AFG2A: variants seen among roughly 807,000 people sequenced by gnomAD.
AFG2A encodes ATPase family gene 2 protein homolog A.
chr4:123,112,991 T>C, the AFG2A span, among the ~76,000 whole-genome samples: 1 of 152,212 alleles, frequency 6.6e-6, no homozygotes, highest in African/African-American at 2.4e-5. Flanking sequence ...ATTTAATTAA[T>C]AGAGGTTAGT....
the AFG2A span, among the ~76,000 whole-genome samples, chr4:123,004,787 G>T: frequency 3.3e-5 from 5 of 152,296 alleles, no homozygotes; most frequent in South Asian, 1.0e-3. Context: ...GGAAGAAATT[G>T]TGTAGAATTA....
At chr4:123,245,230 C>T in the AFG2A span, among the ~76,000 whole-genome samples, 1 of 152,136 alleles carries the variant, frequency 6.6e-6, no homozygotes, top group African/African-American at 2.4e-5. Flanking sequence ...GGAAAAGAAG[C>T]AGAGGACAGG....
the AFG2A span, among the ~76,000 whole-genome samples, chr4:123,283,818 G>A: frequency 6.6e-6 from 1 of 152,244 alleles, no homozygotes; most frequent in East Asian, 1.9e-4. Context: ...GGGCAGATTT[G>A]AGTAGTTCCA....
the AFG2A span, among the ~76,000 whole-genome samples, chr4:122,972,540 CT>C: frequency 0.022 from 3,153 of 141,432 alleles, 83 homozygotes; most frequent in African/African-American, 0.069. Context: ...GACTGTCAGT[CT>C]TTTTTTTTTT....
chr4:123,070,667 T>C, the AFG2A span, among the ~76,000 whole-genome samples: 6 of 152,188 alleles, frequency 3.9e-5, no homozygotes, highest in Non-Finnish European at 7.4e-5. Context: ...TCAGATACCA[T>C]CACTTTGGGG....
chr4:123,032,942 T>G, the AFG2A span, among the ~76,000 whole-genome samples: 24,517 of 152,202 alleles, frequency 0.16, 2,433 homozygotes, highest in East Asian at 0.45. Context: ...GTTCAGTAGG[T>G]TAGGAGTATT....
At chr4:123,265,208 T>C in the AFG2A span, among the ~76,000 whole-genome samples, 5 of 152,102 alleles carry the variant, frequency 3.3e-5, no homozygotes, top group South Asian at 2.1e-4. Context: ...TTGGTTGTTA[T>C]GCTTTTCAAC....
At chr4:123,207,868 A>G in the AFG2A span, among the ~76,000 whole-genome samples, 1 of 152,216 alleles carries the variant, frequency 6.6e-6, no homozygotes, top group Non-Finnish European at 1.5e-5. Flanking sequence ...AAAGTGATCT[A>G]TGGGTTCAGT....
chr4:122,958,845 A>G, the AFG2A span, among the ~76,000 whole-genome samples: 1 of 152,140 alleles, frequency 6.6e-6, no homozygotes, highest in African/African-American at 2.4e-5. Flanking sequence ...ACTCATAATT[A>G]AGTGTTTAAG....
chr4:123,158,013 C>A, the AFG2A span, among the ~76,000 whole-genome samples: 1 of 152,118 alleles, frequency 6.6e-6, no homozygotes, highest in African/African-American at 2.4e-5. Context: ...ATACACCAGG[C>A]AGCTTTTTCA....
chr4:123,202,272 T>A, the AFG2A span, among the ~76,000 whole-genome samples: 1 of 152,204 alleles, frequency 6.6e-6, no homozygotes, highest in Non-Finnish European at 1.5e-5. Context: ...TCATTGCATA[T>A]ACCTGAGTAC....
the AFG2A span, among the ~76,000 whole-genome samples, chr4:123,087,796 G>T: frequency 6.6e-6 from 1 of 152,138 alleles, no homozygotes; most frequent in Non-Finnish European, 1.5e-5. Context: ...CAATTTTGGG[G>T]GCAGTGATTT....
the AFG2A span, among the ~76,000 whole-genome samples, chr4:123,207,384 G>T: frequency 6.6e-6 from 1 of 151,218 alleles, no homozygotes; most frequent in Admixed American, 6.6e-5. Context: ...CAATCACACG[G>T]CACATTGCCA....
At chr4:122,938,492 A>G in the AFG2A span, among the ~76,000 whole-genome samples, 2 of 152,230 alleles carry the variant, frequency 1.3e-5, no homozygotes, top group Non-Finnish European at 2.9e-5. Flanking sequence ...ACCATGATGG[A>G]TTTATTTTGT....
the AFG2A span, among the ~76,000 whole-genome samples, chr4:123,247,233 G>T: frequency 6.6e-6 from 1 of 151,850 alleles, no homozygotes; most frequent in Non-Finnish European, 1.5e-5. Context: ...GCGTGTGTGT[G>T]TGTGTGTGTG....
At chr4:123,030,389 T>C in the AFG2A span, among the ~76,000 whole-genome samples, 1 of 152,200 alleles carries the variant, frequency 6.6e-6, no homozygotes, top group Non-Finnish European at 1.5e-5. Flanking sequence ...TTAGACAATT[T>C]CATTTTTAGT....
chr4:123,204,155 G>A, the AFG2A span, among the ~76,000 whole-genome samples: 2 of 152,152 alleles, frequency 1.3e-5, no homozygotes, highest in African/African-American at 4.8e-5. Context: ...CAACGACCTG[G>A]ATTTCATCTA....
At chr4:123,074,695 T>G in the AFG2A span, among the ~76,000 whole-genome samples, 5 of 152,178 alleles carry the variant, frequency 3.3e-5, no homozygotes, top group African/African-American at 1.2e-4. Flanking sequence ...TTTTACTATA[T>G]TAGCACTATC....
chr4:123,266,530 A>G, the AFG2A span, among the ~76,000 whole-genome samples: 1 of 151,892 alleles, frequency 6.6e-6, no homozygotes. Flanking sequence ...TGTTTCATGT[A>G]TATGTCTTGT....
Sources: gnomAD v4.1 joint callset for allele counts (sites outside exome capture counted in the v4.1 genomes callset) on GRCh38, gnomAD v4.1.1 for gene constraint, MANE v1.5 for transcripts, NCBI Gene and HGNC (gene_info 2026-07-23, HGNC 2026-07-21) for gene names.